The following COL4A6 variants were observed in gnomAD, a reference collection of about 807,000 sequenced individuals.
COL4A6 encodes collagen alpha-6(IV) chain.
A neutral mutation model predicts 126.7 loss-of-function variants in COL4A6; 59 were observed. The ratio of observed to expected loss-of-function variants is 0.47; its 90% confidence interval spans 0.38 to 0.58. The LOEUF is 0.58. COL4A6 is among the 20% of genes least tolerant of loss of function. COL4A6 has a pLI of 0.00. For synonymous variants in COL4A6, 547 were observed against 496.6 expected, an observed-to-expected ratio of 1.10 and a Z score of -1.35; for missense variants, 1,285 against 1,337.3, an observed-to-expected ratio of 0.96 and a Z score of 0.61.
intron 3 of COL4A6, among the ~76,000 whole-genome samples, chrX:108,262,160 C>A (rs1276894182): frequency 9.0e-6 from 1 of 111,594 alleles, no homozygotes; most frequent in Non-Finnish European, 1.9e-5. Context: ...AGGCTGGATT[C>A]AAAATTTCTC....
chrX:108,230,007 A>G (rs773990093), intron 3 of COL4A6, among the ~76,000 whole-genome samples: 29 of 112,330 alleles, frequency 2.6e-4, no homozygotes, highest in Non-Finnish European at 3.9e-4. Context: ...GCAAATGATG[A>G]CTCCAATGTT....
chrX:108,188,002 G>A lies in COL4A6; in HGVS notation c.1613C>T (p.Ser538Leu), dbSNP rs775923727. 4.9e-5 allele frequency: 59 copies of A among 1,196,832 alleles called. No homozygotes were observed. The Admixed American group carries it at 1.2e-3, about 25-fold the overall frequency. ...APGLVGPLGP[S>L]GPKGKKGEPI... ...TTCCCCCTTCTTTCCTTTGGGTCCT[G>A]AAGGACCCAGAGGCCCAACTAAGCC... is the stretch of plus-strand genomic sequence containing the variant. The change falls in exon 22 of 45, where the codon TCA (serine) becomes TTA (leucine). Residue 538 changes from serine to leucine, a missense_variant. Coordinates refer to ENST00000334504, the MANE Select transcript of COL4A6 (RefSeq NM_033641.4).
intron 3 of COL4A6, among the ~76,000 whole-genome samples, chrX:108,280,978 G>A (rs1462314886): frequency 9.0e-6 from 1 of 110,600 alleles, no homozygotes; most frequent in Non-Finnish European, 1.9e-5. Context: ...TAAATTAGGT[G>A]TTGATTGGAC....
chrX:108,207,884 A>G (rs2035595632), intron 8 of COL4A6, among the ~76,000 whole-genome samples: 1 of 111,156 alleles, frequency 9.0e-6, no homozygotes, highest in South Asian at 3.8e-4. Flanking sequence ...CCAATCTCCC[A>G]TGGATACCAA....
intron 2 of COL4A6, among the ~76,000 whole-genome samples, chrX:108,435,128 C>G (rs2064242890): frequency 9.0e-6 from 1 of 111,306 alleles, no homozygotes; most frequent in Non-Finnish European, 1.9e-5. Flanking sequence ...TACCTATGCT[C>G]TCTGCAGAAG....
At chrX:108,197,772 AGTGTGTGT>A (rs57928875) in intron 13 of COL4A6, among the ~76,000 whole-genome samples, 1,471 of 87,226 alleles carry the variant, frequency 0.017, 22 homozygotes, top group Middle Eastern at 0.051. Flanking sequence ...TATTGGGAGG[AGTGTGTGT>A]GTGTGTGTGT....
chrX:108,227,072 C>G (rs775206767), intron 3 of COL4A6, among the ~76,000 whole-genome samples: 2 of 111,678 alleles, frequency 1.8e-5, no homozygotes, highest in Non-Finnish European at 3.8e-5. Flanking sequence ...CTCCAGGGAG[C>G]TTTCTATGAT....
At chrX:108,203,017 G>A in intron 12 of COL4A6, 36 bp from the exon 13 acceptor site, 1 of 1,149,042 alleles carries the variant, frequency 8.7e-7, no homozygotes, top group Non-Finnish European at 1.2e-6. Flanking sequence ...AGTAGCATCA[G>A]GAAGCAGTGA....
intron 7 of COL4A6, among the ~76,000 whole-genome samples, 180 bp downstream of exon 7, chrX:108,211,492 C>A (rs2035700861): frequency 8.8e-6 from 1 of 113,278 alleles, no homozygotes; most frequent in South Asian, 3.6e-4. Flanking sequence ...AGTATAGTTG[C>A]AAACATTTAT....
intron 3 of COL4A6, among the ~76,000 whole-genome samples, chrX:108,261,592 C>G (rs1402922652): frequency 9.0e-6 from 1 of 111,305 alleles, no homozygotes; most frequent in Non-Finnish European, 1.9e-5. Flanking sequence ...TTCCTAGTTA[C>G]TCTACTATCC....
At chrX:108,214,335 G>C in intron 5 of COL4A6, 107 bp from the exon 6 acceptor site, 1 of 530,750 alleles carries the variant, frequency 1.9e-6, no homozygotes, top group African/African-American at 2.3e-5. Flanking sequence ...GTGGCTCCTT[G>C]TTCACTCCCT....
At chrX:108,362,055 TTGTGTGTGTGTGTG>T (rs10548613) in intron 2 of COL4A6, among the ~76,000 whole-genome samples, 3 of 103,133 alleles carry the variant, frequency 2.9e-5, no homozygotes, top group Non-Finnish European at 4.0e-5. Context: ...TCAAACTAGT[TTGTGTGTGTGTGTG>T]TGTGTGTGTG....
chrX:108,275,876 C>T (rs779261439), intron 3 of COL4A6, among the ~76,000 whole-genome samples: 2 of 112,621 alleles, frequency 1.8e-5, no homozygotes, highest in Middle Eastern at 4.6e-3. Context: ...GAAGTTCAAG[C>T]CCAAAATGTA....
intron 17 of COL4A6, among the ~76,000 whole-genome samples, chrX:108,193,041 A>G (rs1030708798): frequency 8.9e-6 from 1 of 112,109 alleles, no homozygotes; most frequent in Non-Finnish European, 1.9e-5. Flanking sequence ...AAGAGTCACT[A>G]CAGTAGAAGC....
intron 3 of COL4A6, among the ~76,000 whole-genome samples, chrX:108,253,316 A>G (rs765349577): frequency 8.9e-6 from 1 of 112,179 alleles, no homozygotes; most frequent in Non-Finnish European, 1.9e-5. Flanking sequence ...GGACACAAAA[A>G]TCTATCTTTT....
At chrX:108,192,444 T>C in intron 18 of COL4A6, 29 bp downstream of exon 18, 1 of 1,056,751 alleles carries the variant, frequency 9.5e-7, no homozygotes, top group Non-Finnish European at 1.3e-6. Context: ...AGGACTGATC[T>C]GTGTAGGAAA....
intron 2 of COL4A6, among the ~76,000 whole-genome samples, chrX:108,384,240 T>C (rs2040634530): frequency 8.9e-6 from 1 of 111,862 alleles, no homozygotes; most frequent in African/African-American, 3.3e-5. Flanking sequence ...CTCATTCTTC[T>C]GGCCCTCCAG....
intron 13 of COL4A6, among the ~76,000 whole-genome samples, chrX:108,198,975 G>A (rs181571463): frequency 9.0e-6 from 1 of 111,194 alleles, no homozygotes; most frequent in Non-Finnish European, 1.9e-5. Flanking sequence ...TCTCTCTGAT[G>A]ACCTCCATGG....
intron 7 of COL4A6, among the ~76,000 whole-genome samples, chrX:108,211,031 T>C (rs1313602892): frequency 8.9e-6 from 1 of 111,815 alleles, no homozygotes; most frequent in African/African-American, 3.3e-5. Context: ...ACCAGGGAAA[T>C]GATGGACTCC....
Sources: gnomAD v4.1 joint callset for allele counts (sites outside exome capture counted in the v4.1 genomes callset) on GRCh38, gnomAD v4.1.1 for gene constraint, MANE v1.5 for transcripts, NCBI Gene and HGNC (gene_info 2026-07-23, HGNC 2026-07-21) for gene names.